The following CSMD1 variants were observed in gnomAD, a reference collection of about 807,000 sequenced individuals.
The protein encoded by CSMD1 is CUB and sushi domain-containing protein 1.
A neutral mutation model predicts 417.5 loss-of-function variants in CSMD1; 213 were observed. That is an observed-to-expected ratio of 0.51 (90% CI 0.46 to 0.57). The LOEUF is 0.57. Among genes scored for constraint, CSMD1 ranks in the 20% least tolerant of loss-of-function variants. The probability of loss-of-function intolerance (pLI) is 0.00; values close to 1 mark genes in which losing one functional copy is unlikely to be tolerated. For synonymous variants in CSMD1, 2,862 were observed against 1,736.8 expected, an observed-to-expected ratio of 1.65 and a Z score of -16.11; for missense variants, 6,923 against 4,529.7, an observed-to-expected ratio of 1.53 and a Z score of -15.17.
At chr8:4,721,392 T>C (rs565488129) in intron 1 of CSMD1, among the ~76,000 whole-genome samples, 1 of 152,286 alleles carries the variant, frequency 6.6e-6, no homozygotes, top group East Asian at 1.9e-4. Flanking sequence ...AATCATCAAA[T>C]ATAAAAAAGA....
intron 1 of CSMD1, among the ~76,000 whole-genome samples, chr8:4,957,205 G>T (rs1235671318): frequency 2.6e-5 from 4 of 152,180 alleles, no homozygotes; most frequent in African/African-American, 9.7e-5. Flanking sequence ...TAAAGCTATA[G>T]CAAACTGTTC....
At chr8:2,997,054 G>C (rs191966801) in intron 54 of CSMD1, among the ~76,000 whole-genome samples, 1 of 152,218 alleles carries the variant, frequency 6.6e-6, no homozygotes, top group Non-Finnish European at 1.5e-5. Context: ...CGGAGGCAGG[G>C]GCACTGGCTT....
At chr8:3,138,943 A>G (rs1001206448) in intron 41 of CSMD1, among the ~76,000 whole-genome samples, 1 of 152,206 alleles carries the variant, frequency 6.6e-6, no homozygotes, top group Admixed American at 6.5e-5. Context: ...GTAAATCTGG[A>G]AAGACATTTA....
chr8:3,747,826 G>A (rs1444013272), intron 6 of CSMD1, among the ~76,000 whole-genome samples: 2 of 152,176 alleles, frequency 1.3e-5, no homozygotes, highest in Non-Finnish European at 2.9e-5. Flanking sequence ...GTTTTAAAAT[G>A]TGGAATTTCA....
Position 3,450,370 on chromosome 8 carries a change from T to C in CSMD1, c.1561+18342A>G, listed in dbSNP as rs1347649838. ...TACATGTTCACAACGTGCAGGTTTG[T>C]TACATATGTATACATGTGCCATGTT... is the stretch of plus-strand genomic sequence containing the variant. On this transcript the variant is annotated intron_variant, in intron 12 of 69. Transcript: ENST00000635120. Among the ~76,000 whole-genome samples, 6 of 152,094 alleles carry C rather than the reference T, an allele frequency of 3.9e-5. 1 individual carries two copies. The highest frequency in any genetic ancestry group is 9.7e-5 in the African/African-American group (4 of 41,428).
intron 4 of CSMD1, among the ~76,000 whole-genome samples, chr8:4,004,010 A>C (rs1251346497): frequency 6.6e-6 from 1 of 152,230 alleles, no homozygotes; most frequent in Non-Finnish European, 1.5e-5. Context: ...CAACTAAATA[A>C]AATTAAAATT....
At chr8:3,653,952 G>A (rs1180657436) in intron 7 of CSMD1, among the ~76,000 whole-genome samples, 1 of 152,174 alleles carries the variant, frequency 6.6e-6, no homozygotes, top group African/African-American at 2.4e-5. Flanking sequence ...TTTCACCCAT[G>A]ACAGCCTACT....
At chr8:3,217,899 T>A (rs1797972504) in intron 29 of CSMD1, among the ~76,000 whole-genome samples, 1 of 152,166 alleles carries the variant, frequency 6.6e-6, no homozygotes, top group African/African-American at 2.4e-5. Context: ...TAAATAAATA[T>A]AAATATTTTC....
chr8:3,786,783 T>C lies in CSMD1; in HGVS notation c.819-32741A>G, dbSNP rs528269867. 2.0e-5 allele frequency among the ~76,000 whole-genome samples: 3 copies of C among 152,284 alleles called. No homozygotes were observed. In the South Asian group the frequency reaches 6.2e-4, roughly 32 times the overall value. Reference sequence around the variant, plus strand: ...AAGCTCACAGAGGGCTATCTTCCCCTTGCGTCCTCAGGTGGTAGAGAGAGA... The same window carrying C: ...AAGCTCACAGAGGGCTATCTTCCCCCTGCGTCCTCAGGTGGTAGAGAGAGA... On this transcript the variant is annotated intron_variant, in intron 5 of 69. Transcript: ENST00000635120.
rs577345163 is a variant in CSMD1, at chr8:4,378,982, C to G, written c.415+40971G>C. ...CTTCCAGTTTATGATATTTTGTAAT[C>G]ACAGCTCAGATGGATTAAGAAAGTA... is the stretch of plus-strand genomic sequence containing the variant. On this transcript the variant is annotated intron_variant, in intron 3 of 69. Coordinates refer to ENST00000635120, the MANE Select transcript of CSMD1 (RefSeq NM_033225.6). 2.6e-5 allele frequency among the ~76,000 whole-genome samples: 4 copies of G among 152,186 alleles called. No homozygotes were observed. The South Asian group carries it at 6.2e-4, about 24-fold the overall frequency.
chr8:4,467,147 A>G (rs1038071055), intron 2 of CSMD1, among the ~76,000 whole-genome samples: 2 of 151,854 alleles, frequency 1.3e-5, no homozygotes, highest in African/African-American at 2.4e-5. Context: ...AAAAGAAAAA[A>G]AAAGAAAAAA....
At chr8:3,684,256 A>T (rs1017586566) in intron 7 of CSMD1, among the ~76,000 whole-genome samples, 8 of 143,740 alleles carry the variant, frequency 5.6e-5, no homozygotes, top group South Asian at 4.2e-4. Context: ...ATATTATATA[A>T]AATATATAGC....
At chr8:4,940,072 G>A (rs76381140) in intron 1 of CSMD1, among the ~76,000 whole-genome samples, 35,632 of 151,934 alleles carry the variant, frequency 0.23, 4,321 homozygotes, top group East Asian at 0.38. Flanking sequence ...TAGGAGAACC[G>A]GGCAGAAAAG....
intron 38 of CSMD1, among the ~76,000 whole-genome samples, chr8:3,159,085 G>A (rs935772206): frequency 2.6e-5 from 4 of 151,980 alleles, no homozygotes; most frequent in African/African-American, 7.2e-5. Flanking sequence ...TTGTGCTGCC[G>A]GCATTGACAC....
At chr8:4,982,606 T>C (rs565387652) in intron 1 of CSMD1, among the ~76,000 whole-genome samples, 49 of 152,340 alleles carry the variant, frequency 3.2e-4, no homozygotes, top group African/African-American at 1.2e-3. Flanking sequence ...TCTTAAAATA[T>C]AAAAGGTAAG....
chr8:4,003,441 G>C (rs183115521), intron 4 of CSMD1, among the ~76,000 whole-genome samples: 2 of 123,076 alleles, frequency 1.6e-5, no homozygotes, highest in South Asian at 2.8e-4. Flanking sequence ...TAAATAAATA[G>C]ATAAGTAAAT....
chr8:4,784,641 G>A (rs1585093357), intron 1 of CSMD1, among the ~76,000 whole-genome samples: 1 of 152,084 alleles, frequency 6.6e-6, no homozygotes, highest in Admixed American at 6.5e-5. Flanking sequence ...TATCCATTAT[G>A]CCTCCATTAA....
At chr8:4,967,802 G>A (rs186522691) in intron 1 of CSMD1, among the ~76,000 whole-genome samples, 1 of 152,260 alleles carries the variant, frequency 6.6e-6, no homozygotes, top group East Asian at 1.9e-4. Flanking sequence ...AATTCACAGG[G>A]TCGACTGACC....
chr8:4,417,348 T>G (rs1490655978), intron 3 of CSMD1, among the ~76,000 whole-genome samples: 1 of 152,032 alleles, frequency 6.6e-6, no homozygotes, highest in East Asian at 1.9e-4. Context: ...TCCAAAGTAC[T>G]GCCAGACAAC....
Sources: allele counts gnomAD v4.1 joint callset (sites outside exome capture counted in the v4.1 genomes callset), GRCh38; gene constraint gnomAD v4.1.1; transcripts MANE v1.5; gene names NCBI Gene and HGNC (gene_info 2026-07-23, HGNC 2026-07-21).